Variants in LCLAT1 observed in about 807,000 individuals in gnomAD.
The protein encoded by LCLAT1 is 1-AGP acyltransferase 8.
A neutral mutation model predicts 30.7 loss-of-function variants in LCLAT1; 11 were observed. That is an observed-to-expected ratio of 0.36 (90% CI 0.23 to 0.59). The LOEUF (loss-of-function observed/expected upper bound fraction) is 0.59. LCLAT1 is among the 20% of genes least tolerant of loss of function. The pLI, the probability that LCLAT1 is intolerant of heterozygous loss-of-function variation, is 0.77. For synonymous variants in LCLAT1, 155 were observed against 151.3 expected, an observed-to-expected ratio of 1.02 and a Z score of -0.18; for missense variants, 402 against 458.6, an observed-to-expected ratio of 0.88 and a Z score of 1.13.
At chr2:30,559,143 T>C (rs1295255652) in intron 3 of LCLAT1, among the ~76,000 whole-genome samples, 1 of 152,200 alleles carries the variant, frequency 6.6e-6, no homozygotes, top group African/African-American at 2.4e-5. Flanking sequence ...TTATATGATT[T>C]GTGGTGTTAG....
At chr2:30,454,619 AT>A (rs10710753) in intron 1 of LCLAT1, among the ~76,000 whole-genome samples, 32,290 of 143,154 alleles carry the variant, frequency 0.23, 3,481 homozygotes, top group East Asian at 0.34. Context: ...CGTCTGGCTA[AT>A]TTTTTTTTTT....
chr2:30,527,140 C>T (rs1455570985), intron 2 of LCLAT1, among the ~76,000 whole-genome samples: 2 of 152,098 alleles, frequency 1.3e-5, no homozygotes, highest in Non-Finnish European at 2.9e-5. Context: ...CATCTACAAA[C>T]TGTATGTTAA....
chr2:30,594,075 C>G (rs1442723722), intron 5 of LCLAT1, among the ~76,000 whole-genome samples: 1 of 151,984 alleles, frequency 6.6e-6, no homozygotes, highest in Non-Finnish European at 1.5e-5. Context: ...CATAGTTTCA[C>G]ACTTGTTTTT....
intron 3 of LCLAT1, among the ~76,000 whole-genome samples, chr2:30,542,515 A>T (rs1664188643): frequency 6.6e-6 from 1 of 152,128 alleles, no homozygotes; most frequent in Non-Finnish European, 1.5e-5. Flanking sequence ...CTCTGTCATG[A>T]TACTGTAATT....
chr2:30,537,183 C>G (rs1686287681), intron 3 of LCLAT1, among the ~76,000 whole-genome samples: 2 of 152,010 alleles, frequency 1.3e-5, no homozygotes, highest in South Asian at 4.1e-4. Flanking sequence ...AGATCGAGAC[C>G]ATCCTGGCTA....
At chr2:30,572,653 T>C (rs17009802) in intron 5 of LCLAT1, among the ~76,000 whole-genome samples, 6,644 of 152,224 alleles carry the variant, frequency 0.044, 503 homozygotes, top group African/African-American at 0.15. Flanking sequence ...CTCATGTTCT[T>C]TCCACTGTAT....
intron 3 of LCLAT1, among the ~76,000 whole-genome samples, chr2:30,537,759 T>G (rs1663862700): frequency 6.6e-6 from 1 of 152,174 alleles, no homozygotes; most frequent in Non-Finnish European, 1.5e-5. Context: ...TAAATAATAT[T>G]TAACAGCCAC....
At chr2:30,610,109 A>G (rs1270746745) in intron 5 of LCLAT1, among the ~76,000 whole-genome samples, 1 of 152,136 alleles carries the variant, frequency 6.6e-6, no homozygotes, top group Non-Finnish European at 1.5e-5. Context: ...TCTAATAACT[A>G]GACTTTGTCA....
chr2:30,533,050 CATGAT>C, intron 2 of LCLAT1, 61 bp from the exon 3 acceptor site: 1 of 1,041,282 alleles, frequency 9.6e-7, no homozygotes, highest in Non-Finnish European at 1.5e-6. Context: ...ATTTATAGGG[CATGAT>C]AAAATTTACC....
In LCLAT1 at chr2:30,615,307, G is replaced by A. The variant is rs796072745; in HGVS notation, c.629-24810G>A. ...AGATCCTCCTTATGAAAAAAAGAAGGCAAAGTGTATGAACTCACACAGTAG... is the reference window on the plus strand; with the variant it reads ...AGATCCTCCTTATGAAAAAAAGAAGACAAAGTGTATGAACTCACACAGTAG... On this transcript the variant is annotated intron_variant, in intron 5 of 5. Coordinates refer to ENST00000379509, the MANE Select transcript of LCLAT1 (RefSeq NM_001002257.3). Among the ~76,000 whole-genome samples the A allele has an allele frequency of 3.3e-5, 5 of 152,058 alleles. No individual in the cohort carries two copies. In the South Asian group the frequency reaches 1.0e-3, roughly 32 times the overall value.
intron 5 of LCLAT1, among the ~76,000 whole-genome samples, chr2:30,596,165 G>T (rs1666921709): frequency 6.6e-6 from 1 of 152,144 alleles, no homozygotes; most frequent in African/African-American, 2.4e-5. Context: ...CGAGTAGTGG[G>T]ATTGCTGGGT....
At chr2:30,534,294 T>C (rs1429117074) in intron 3 of LCLAT1, among the ~76,000 whole-genome samples, 1 of 151,584 alleles carries the variant, frequency 6.6e-6, no homozygotes, top group African/African-American at 2.4e-5. Flanking sequence ...GGAGTCTCTC[T>C]CTGTCGCTCA....
At chr2:30,637,954 G>A (rs1033405373) in intron 5 of LCLAT1, among the ~76,000 whole-genome samples, 2 of 152,178 alleles carry the variant, frequency 1.3e-5, no homozygotes, top group Admixed American at 1.3e-4. Flanking sequence ...GCTTTCTTCA[G>A]TGAGGCTTTC....
chr2:30,550,383 A>G (rs990122772), intron 3 of LCLAT1, among the ~76,000 whole-genome samples: 2 of 152,192 alleles, frequency 1.3e-5, no homozygotes, highest in African/African-American at 4.8e-5. Context: ...CTAGGATCCA[A>G]CTGAGAATAC....
At chr2:30,485,213 T>C (rs994432071) in intron 1 of LCLAT1, among the ~76,000 whole-genome samples, 1 of 152,190 alleles carries the variant, frequency 6.6e-6, no homozygotes, top group African/African-American at 2.4e-5. Flanking sequence ...CCATGCATGG[T>C]TGGCTTCATT....
At chr2:30,455,391 C>T (rs924643183) in intron 1 of LCLAT1, among the ~76,000 whole-genome samples, 8 of 152,138 alleles carry the variant, frequency 5.3e-5, no homozygotes, top group Non-Finnish European at 5.9e-5. Context: ...TATTTCTCAG[C>T]GTTCTGGAGG....
At chr2:30,574,195 A>G (rs1236047922) in intron 5 of LCLAT1, among the ~76,000 whole-genome samples, 2 of 152,074 alleles carry the variant, frequency 1.3e-5, no homozygotes, top group Non-Finnish European at 2.9e-5. Context: ...GAAGAAATCA[A>G]GGTAAGGGAA....
rs567928954 is a variant in LCLAT1, at chr2:30,546,420, C to T, written c.364+13106C>T. On this transcript the variant is annotated intron_variant, in intron 3 of 5. Transcript: ENST00000379509. ...ATCATGAATAAAAACAACTCAGTTA[C>T]AATGTGTTGTTTACCTTTTTAGTAC... 4.6e-5 allele frequency among the ~76,000 whole-genome samples: 7 copies of T among 152,170 alleles called. No individual in the cohort carries two copies. In the South Asian group the frequency reaches 1.5e-3, roughly 32 times the overall value.
At chr2:30,616,672 T>C (rs552488201) in intron 5 of LCLAT1, among the ~76,000 whole-genome samples, 4 of 152,288 alleles carry the variant, frequency 2.6e-5, no homozygotes, top group African/African-American at 9.6e-5. Context: ...CTAGAAATTT[T>C]TAAATGTCAG....
Sources: allele counts gnomAD v4.1 joint callset (sites outside exome capture counted in the v4.1 genomes callset), GRCh38; gene constraint gnomAD v4.1.1; transcripts MANE v1.5; gene names NCBI Gene and HGNC (gene_info 2026-07-23, HGNC 2026-07-21).